Variants in GRID1 observed in about 807,000 individuals in gnomAD.
GRID1 encodes glutamate ionotropic receptor delta type subunit 1.
GRID1 carries 28 observed loss-of-function variants against 98.0 expected under a neutral mutation model. The ratio of observed to expected loss-of-function variants is 0.29; its 90% confidence interval spans 0.21 to 0.39. GRID1 has a LOEUF of 0.39. Ranked by LOEUF, GRID1 falls within the 10% of genes least tolerant of loss-of-function variation. GRID1 has a pLI of 1.00. For synonymous variants in GRID1, 553 were observed against 538.5 expected, an observed-to-expected ratio of 1.03 and a Z score of -0.37; for missense variants, 1,111 against 1,340.5, an observed-to-expected ratio of 0.83 and a Z score of 2.67.
intron 3 of GRID1, among the ~76,000 whole-genome samples, chr10:86,150,336 T>C (rs11201912): frequency 0.05 from 7,655 of 152,256 alleles, 214 homozygotes; most frequent in African/African-American, 0.056. Context: ...TGAGGAAGGC[T>C]AACCATACCA....
intron 3 of GRID1, among the ~76,000 whole-genome samples, chr10:86,191,743 C>T (rs1232893776): frequency 1.3e-5 from 2 of 152,188 alleles, no homozygotes; most frequent in South Asian, 2.1e-4. Flanking sequence ...ATTCATCCCT[C>T]GAGCCCTGGG....
chr10:85,696,001 C>G (rs957281577), intron 12 of GRID1, among the ~76,000 whole-genome samples: 1 of 152,248 alleles, frequency 6.6e-6, no homozygotes, highest in Admixed American at 6.5e-5. Flanking sequence ...ATTTTATCCA[C>G]TGAGCTAAGC....
chr10:85,606,907 T>G (rs1227434435), intron 15 of GRID1: 2 of 152,248 alleles, frequency 1.3e-5, no homozygotes, highest in Admixed American at 6.5e-5. Context: ...AAGGTTTCGG[T>G]ATTCGGCCAG....
chr10:86,189,806 G>A (rs772992132), intron 3 of GRID1, among the ~76,000 whole-genome samples: 1 of 152,140 alleles, frequency 6.6e-6, no homozygotes, highest in Non-Finnish European at 1.5e-5. Flanking sequence ...GCTGCCAAAT[G>A]TCCCCGGGGC....
intron 3 of GRID1, among the ~76,000 whole-genome samples, chr10:86,189,270 G>T (rs191138927): frequency 1.3e-5 from 2 of 152,120 alleles, no homozygotes; most frequent in Admixed American, 1.3e-4. Context: ...CTAGTGATGG[G>T]ACCTTTGGGG....
intron 13 of GRID1, among the ~76,000 whole-genome samples, chr10:85,621,647 C>T (rs916528663): frequency 1.3e-5 from 2 of 152,110 alleles, no homozygotes; most frequent in Admixed American, 6.5e-5. Flanking sequence ...TGACTTTCAC[C>T]TCGAGGAGCA....
In GRID1 at chr10:86,208,208, C is replaced by T. The variant is rs1039135372; in HGVS notation, c.236-1560G>A. ...CCTCCATGCAAGGGCGCTCGCCTTG[C>T]ACCTGCATGAGCACCAGCAGGAAGA... On this transcript the variant is annotated intron_variant, in intron 2 of 15. Transcript: ENST00000327946. Among the ~76,000 whole-genome samples, 4 of 152,194 alleles carry T rather than the reference C, an allele frequency of 2.6e-5. No individual in the cohort carries two copies. In the South Asian group the frequency reaches 8.3e-4, roughly 32 times the overall value.
chr10:85,701,164 A>T (rs186967618), intron 12 of GRID1, among the ~76,000 whole-genome samples: 7 of 152,252 alleles, frequency 4.6e-5, no homozygotes, highest in Admixed American at 4.6e-4. Flanking sequence ...GGGATACAGC[A>T]ATGGGAGATT....
chr10:86,121,728 T>C (rs1031174555), intron 4 of GRID1, among the ~76,000 whole-genome samples: 1 of 152,206 alleles, frequency 6.6e-6, no homozygotes, highest in African/African-American at 2.4e-5. Flanking sequence ...TTCAAATGAC[T>C]GTCTTGTTAA....
chr10:86,107,038 G>A (rs987193023), intron 4 of GRID1, among the ~76,000 whole-genome samples: 9 of 152,158 alleles, frequency 5.9e-5, no homozygotes, highest in African/African-American at 1.7e-4. Context: ...ACCTGCCTAC[G>A]GAGAACACCA....
At chr10:86,170,657 A>G (rs1422589627) in intron 3 of GRID1, among the ~76,000 whole-genome samples, 1 of 152,142 alleles carries the variant, frequency 6.6e-6, no homozygotes, top group African/African-American at 2.4e-5. Flanking sequence ...TCCTACACAC[A>G]CAAACACACC....
intron 4 of GRID1, among the ~76,000 whole-genome samples, chr10:85,944,701 A>C (rs1842033990): frequency 6.6e-6 from 1 of 152,206 alleles, no homozygotes; most frequent in African/African-American, 2.4e-5. Flanking sequence ...TATATCTCTC[A>C]ATAGGAAAAT....
chr10:86,106,701 G>A (rs1376125916), intron 4 of GRID1, among the ~76,000 whole-genome samples: 1 of 152,146 alleles, frequency 6.6e-6, no homozygotes, highest in East Asian at 1.9e-4. Context: ...GATCAGGAAT[G>A]TGCAGTGAGA....
chr10:85,777,348 T>C (rs2132721780), intron 8 of GRID1, among the ~76,000 whole-genome samples: 1 of 152,310 alleles, frequency 6.6e-6, no homozygotes, highest in South Asian at 2.1e-4. Flanking sequence ...ACTCAACAAA[T>C]CCATTCATAT....
intron 8 of GRID1, among the ~76,000 whole-genome samples, chr10:85,730,683 G>A (rs183279567): frequency 1.3e-5 from 2 of 152,288 alleles, no homozygotes; most frequent in East Asian, 1.9e-4. Context: ...ACTAGAGATG[G>A]ATATTTTAGC....
chr10:86,015,876 G>C (rs750377419), intron 4 of GRID1, among the ~76,000 whole-genome samples: 2 of 152,184 alleles, frequency 1.3e-5, no homozygotes, highest in African/African-American at 2.4e-5. Flanking sequence ...CAGAAAGCAG[G>C]AGCTGGAGTC....
intron 4 of GRID1, among the ~76,000 whole-genome samples, chr10:85,961,344 G>A (rs371587638): frequency 3.3e-5 from 5 of 152,074 alleles, no homozygotes; most frequent in South Asian, 2.1e-4. Context: ...CTGTCAGCCC[G>A]GGAGCTATGA....
At chr10:86,259,432 T>C (rs774837368) in intron 2 of GRID1, among the ~76,000 whole-genome samples, 6 of 152,240 alleles carry the variant, frequency 3.9e-5, no homozygotes, top group Admixed American at 1.3e-4. Context: ...GTACAGAAAG[T>C]TGAATGTCTC....
rs1322463233 is a variant in GRID1, at chr10:85,737,672, AT to A, written c.1234-8059del. Among the ~76,000 whole-genome samples, 112 of 132,578 alleles carry A rather than the reference AT, an allele frequency of 8.4e-4. 3 individuals carry two copies. Among genetic ancestry groups the A allele is most frequent in the African/African-American group, 2.8e-3 (98 of 34,598 alleles). The allele number at this position is 132,578 out of a possible 152,430, so 87.0% of individuals were successfully genotyped here. A position where few individuals can be genotyped will look rare whatever the true frequency, so the allele number is the denominator to read the frequency against. Reference sequence around the variant, plus strand: ...TATATATATATATATATATATATATATAAACATATATGGTTATATATATATA... The same window carrying A: ...TATATATATATATATATATATATATAAAACATATATGGTTATATATATATA... On this transcript the variant is annotated intron_variant, in intron 8 of 15. Coordinates refer to ENST00000327946, the MANE Select transcript of GRID1 (RefSeq NM_017551.3).
Sources: gnomAD v4.1 joint callset for allele counts (sites outside exome capture counted in the v4.1 genomes callset) on GRCh38, gnomAD v4.1.1 for gene constraint, MANE v1.5 for transcripts, NCBI Gene and HGNC (gene_info 2026-07-23, HGNC 2026-07-21) for gene names.